ILKAP: variants seen among roughly 807,000 people sequenced by gnomAD.
ILKAP encodes integrin-linked kinase-associated serine/threonine phosphatase 2C.
A neutral mutation model predicts 49.1 loss-of-function variants in ILKAP; 11 were observed. The observed-to-expected ratio is 0.22, with a 90% CI of 0.14 to 0.37. The LOEUF (loss-of-function observed/expected upper bound fraction) is 0.37. ILKAP is among the 10% of genes least tolerant of loss of function. The pLI, the probability that ILKAP is intolerant of heterozygous loss-of-function variation, is 1.00. For synonymous variants in ILKAP, 186 were observed against 192.8 expected, an observed-to-expected ratio of 0.96 and a Z score of 0.29; for missense variants, 363 against 510.8, an observed-to-expected ratio of 0.71 and a Z score of 2.79.
At chr2:238,189,600 C>A in intron 4 of ILKAP, 1 of 273,268 alleles carries the variant, frequency 3.7e-6, no homozygotes, top group Non-Finnish European at 6.9e-6. Flanking sequence ...AAAAAAACCA[C>A]CTGTATTTTT....
At chr2:238,175,825 G>A (rs1360802139) in intron 9 of ILKAP, among the ~76,000 whole-genome samples, 2 of 152,176 alleles carry the variant, frequency 1.3e-5, no homozygotes, top group African/African-American at 2.4e-5. Flanking sequence ...TGCCCAGACT[G>A]GAGTGCAGTG....
intron 8 of ILKAP, 141 bp from the exon 9 acceptor site, chr2:238,182,327 C>G: frequency 1.0e-6 from 1 of 987,096 alleles, no homozygotes; most frequent in Non-Finnish European, 1.5e-6. Flanking sequence ...TGCTGATAAA[C>G]GTAAGTTCAG....
intron 9 of ILKAP, among the ~76,000 whole-genome samples, chr2:238,178,092 T>C (rs974223222): frequency 6.6e-6 from 1 of 152,170 alleles, no homozygotes; most frequent in Non-Finnish European, 1.5e-5. Context: ...GTAAAAACAG[T>C]TATTTCACTT....
intron 6 of ILKAP, among the ~76,000 whole-genome samples, chr2:238,184,731 TG>T (rs930097651): frequency 4.7e-5 from 5 of 105,420 alleles, no homozygotes; most frequent in Non-Finnish European, 6.0e-5. Context: ...CAGTTAGGTT[TG>T]TTTTTTTTTT....
chr2:238,178,769 T>C (rs988579970), intron 9 of ILKAP, among the ~76,000 whole-genome samples: 2 of 151,992 alleles, frequency 1.3e-5, no homozygotes, highest in African/African-American at 4.8e-5. Context: ...AAAAAATTTA[T>C]TCCCTACACT....
At chr2:238,187,105 T>C (rs1194030515) in intron 5 of ILKAP, 1 of 152,206 alleles carries the variant, frequency 6.6e-6, no homozygotes, top group Non-Finnish European at 1.5e-5. Flanking sequence ...TTCAAAAAAT[T>C]AGCCGGCTGT....
chr2:238,190,208 G>C (rs1198738967), intron 3 of ILKAP, among the ~76,000 whole-genome samples: 1 of 152,124 alleles, frequency 6.6e-6, no homozygotes, highest in Non-Finnish European at 1.5e-5. Context: ...CCCTGCTGAA[G>C]GGGTTTGTAA....
intron 9 of ILKAP, 55 bp downstream of exon 9, chr2:238,182,010 C>G (rs1693715313): frequency 6.2e-7 from 1 of 1,601,590 alleles, no homozygotes. Flanking sequence ...GTCTCGGGAC[C>G]CTTCTACAGC....
At chr2:238,189,179 G>A (rs552477306) in intron 4 of ILKAP, among the ~76,000 whole-genome samples, 84 of 152,274 alleles carry the variant, frequency 5.5e-4, no homozygotes, top group South Asian at 3.3e-3. Context: ...CTAGCCAGGC[G>A]TGGTGGCAGG....
At chr2:238,182,555 T>C (rs1693741185) in intron 8 of ILKAP, among the ~76,000 whole-genome samples, 1 of 152,182 alleles carries the variant, frequency 6.6e-6, no homozygotes, top group African/African-American at 2.4e-5. Context: ...CATGAGCCTA[T>C]GGAAGGCAAA....
intron 3 of ILKAP, among the ~76,000 whole-genome samples, chr2:238,193,231 T>C (rs1016787528): frequency 3.9e-5 from 6 of 152,124 alleles, no homozygotes; most frequent in Non-Finnish European, 5.9e-5. Flanking sequence ...TAACTTTCCT[T>C]TTTTTTGGAG....
At position 238,189,881 on chromosome 2, in the gene ILKAP, T is replaced by G. The variant is rs1694050189; in HGVS notation, c.270A>C (p.Glu90Asp). Residue 90 changes from glutamate to aspartate, a missense_variant, in exon 4 of 12, where the codon GAA (glutamate) becomes GAC (aspartate). Physicochemically the swap from Glu to Asp is conservative, Grantham distance 45 (BLOSUM62 2). Transcript: ENST00000254654. ...KTSEEEKNGSEELVEKKVCKA... is the reference protein window; with the variant it reads ...KTSEEEKNGSDELVEKKVCKA... ...TACAAACTTTCTTTTCCACAAGCTCTTCACTGCCATTCTTCTCTTCCTCGG... is the reference window on the plus strand; with the variant it reads ...TACAAACTTTCTTTTCCACAAGCTCGTCACTGCCATTCTTCTCTTCCTCGG... 6.2e-7 allele frequency: 1 copy of G among 1,613,758 alleles called. No homozygotes were observed. The highest frequency in any genetic ancestry group is 2.2e-5 in the East Asian group (1 of 44,866).
intron 4 of ILKAP, among the ~76,000 whole-genome samples, chr2:238,189,114 C>A (rs1049244518): frequency 6.6e-6 from 1 of 152,112 alleles, no homozygotes. Flanking sequence ...GTCAGGAGAT[C>A]GAGAGCATCC....
Position 238,173,632 on chromosome 2 carries a change from CA to C in ILKAP, c.857del (p.Val286GlyfsTer2), listed in dbSNP as rs1693323750. 6.2e-7 allele frequency: 1 copy of C among 1,613,756 alleles called. No individual in the cohort carries two copies. The highest frequency in any genetic ancestry group is 1.3e-5 in the African/African-American group (1 of 74,912). ...GNVRDGRVLG[V>X]LEVSRSIGDG... ...CCCCAATGGAGCGTGACACCTCTAG[CA>C]CGCCCAAAACACGCCCATCCCTAAA... is the stretch of plus-strand genomic sequence containing the variant. On this transcript the variant is annotated frameshift_variant, in exon 10 of 12. Coordinates refer to ENST00000254654, the MANE Select transcript of ILKAP (RefSeq NM_030768.3). LOFTEE classifies it high-confidence loss of function.
chr2:238,183,955 C>A (rs1693798377), intron 7 of ILKAP, 65 bp downstream of exon 7: 10 of 1,120,606 alleles, frequency 8.9e-6, no homozygotes, highest in Non-Finnish European at 1.4e-5. Flanking sequence ...CATCAGAAGA[C>A]TGAAATGCAT....
chr2:238,201,847 A>C (rs1574814264), intron 1 of ILKAP, among the ~76,000 whole-genome samples: 2 of 152,354 alleles, frequency 1.3e-5, no homozygotes, highest in East Asian at 3.9e-4. Context: ...CCCACAGCTA[A>C]AACCGTGGTT....
chr2:238,198,236 GA>G (rs989947463), intron 1 of ILKAP, among the ~76,000 whole-genome samples: 16 of 151,670 alleles, frequency 1.1e-4, no homozygotes, highest in African/African-American at 2.4e-4. Flanking sequence ...CAAAACCTTA[GA>G]TTTTTTTTTT....
At chr2:238,191,096 AAGC>A (rs1694103655) in intron 3 of ILKAP, among the ~76,000 whole-genome samples, 1 of 151,942 alleles carries the variant, frequency 6.6e-6, no homozygotes, top group Non-Finnish European at 1.5e-5. Context: ...CTGGGACTGA[AAGC>A]AGGAACCACT....
At chr2:238,198,853 G>A (rs181483870) in intron 1 of ILKAP, among the ~76,000 whole-genome samples, 67 of 152,162 alleles carry the variant, frequency 4.4e-4, no homozygotes, top group Non-Finnish European at 8.5e-4. Context: ...AAAAAAGGAT[G>A]TTAAAATATT....
Sources: allele counts gnomAD v4.1 joint callset (sites outside exome capture counted in the v4.1 genomes callset), GRCh38; gene constraint gnomAD v4.1.1; transcripts MANE v1.5; gene names NCBI Gene and HGNC (gene_info 2026-07-23, HGNC 2026-07-21).